The following TRDN variants were observed in gnomAD, a reference collection of about 807,000 sequenced individuals.
The protein encoded by TRDN is triadin in skeletal muscle.
TRDN carries 161 observed loss-of-function variants against 149.7 expected under a neutral mutation model. That is an observed-to-expected ratio of 1.08 (90% CI 0.95 to 1.23). The LOEUF is 1.23. Ranked by LOEUF, TRDN falls within the 50% of genes most tolerant of loss-of-function variation. TRDN has a pLI of 0.00. For missense variants in TRDN, 896 were observed against 823.5 expected, an observed-to-expected ratio of 1.09 and a Z score of -1.08; for synonymous variants, 294 against 250.5, an observed-to-expected ratio of 1.17 and a Z score of -1.64.
intron 13 of TRDN, among the ~76,000 whole-genome samples, chr6:123,390,835 T>G (rs560728938): frequency 1.3e-5 from 2 of 152,256 alleles, no homozygotes; most frequent in African/African-American, 4.8e-5. Flanking sequence ...AAGACTGGAA[T>G]GGCTAACATT....
In TRDN at chr6:123,503,819, C is replaced by T. The variant is rs754258360; in HGVS notation, c.693G>A (p.Lys231=). 1 of 1,609,620 alleles carries T rather than the reference C, an allele frequency of 6.2e-7. No homozygotes were observed. The highest frequency in any genetic ancestry group is 2.2e-5 in the East Asian group (1 of 44,728). ...EVKGGKQEKV[K]QTAAKVKEVQ... is the part of the protein sequence containing the mutation. ...CTTCTTTTACTTTTGCAGCTGTTTG[C>T]TTCACTTTCTCCTGTTTTCCACCTT... The change falls in exon 8 of 41, where the codon AAG becomes AAA. Residue 231 remains lysine (K), a synonymous_variant. Transcript: ENST00000334268.
Position 123,530,675 on chromosome 6 carries a change from A to G in TRDN, c.425-110T>C, listed in dbSNP as rs974600262. The G allele has an allele frequency of 2.6e-5, 16 of 622,070 alleles. No individual in the cohort carries two copies. The African/African-American group carries it at 3.1e-4, about 12-fold the overall frequency. 38.5% of individuals were successfully genotyped at this position (622,070 alleles called of 1,614,324 possible). ...TACCACAAAGTTTAAATTATTATAC[A>G]GTTACTAACAAGTTTATTGGAGTCT... On this transcript the variant is annotated intron_variant, in intron 4 of 40. Coordinates refer to ENST00000334268, the MANE Select transcript of TRDN (RefSeq NM_006073.4).
chr6:123,350,830 A>G (rs1780435714), intron 21 of TRDN: 1 of 983,950 alleles, frequency 1.0e-6, no homozygotes, highest in African/African-American at 1.7e-5. Context: ...ACAATCCAAG[A>G]GCCTAAGCTT....
chr6:123,227,751 TTTTG>T (rs376530623), intron 38 of TRDN, among the ~76,000 whole-genome samples: 13 of 117,110 alleles, frequency 1.1e-4, no homozygotes, highest in African/African-American at 3.9e-4. Context: ...GTTTGTTTGT[TTTTG>T]TTTGTTTTTT....
At chr6:123,302,208 G>T (rs1179063605) in intron 24 of TRDN, among the ~76,000 whole-genome samples, 2 of 151,862 alleles carry the variant, frequency 1.3e-5, no homozygotes, top group Non-Finnish European at 2.9e-5. Context: ...AGTGATATGA[G>T]CCAAAGAGAC....
chr6:123,459,093 T>C (rs1776302720), intron 10 of TRDN, among the ~76,000 whole-genome samples: 1 of 152,240 alleles, frequency 6.6e-6, no homozygotes, highest in Admixed American at 6.5e-5. Context: ...GGCTAACTTA[T>C]GACTTCAATA....
intron 1 of TRDN, among the ~76,000 whole-genome samples, chr6:123,619,189 A>T (rs1048168692): frequency 6.6e-6 from 1 of 152,194 alleles, no homozygotes; most frequent in Non-Finnish European, 1.5e-5. Flanking sequence ...ATAATAAAAG[A>T]TTCCAAAGTT....
intron 20 of TRDN, among the ~76,000 whole-genome samples, chr6:123,364,830 T>C (rs569126013): frequency 2.6e-4 from 40 of 152,302 alleles, no homozygotes; most frequent in African/African-American, 9.4e-4. Flanking sequence ...ACTCTGTATC[T>C]ATGTCTATGT....
At position 123,503,273 on chromosome 6, in the gene TRDN, A is replaced by G. The variant is rs1378386050; in HGVS notation, c.793+446T>C. 9.1e-6 allele frequency: 9 copies of G among 985,218 alleles called. 1 individual carries two copies. Among genetic ancestry groups the G allele is most frequent in the African/African-American group, 1.7e-5 (1 of 57,234 alleles). 61.0% of individuals were successfully genotyped at this position (985,218 alleles called of 1,614,324 possible). A position where few individuals can be genotyped will look rare whatever the true frequency, so the allele number is the denominator to read the frequency against. ...GCTCTTGCCAATGCAACAGTAATGTATGGATAGTTTTTATGATATTTACTC... is the reference window on the plus strand; with the variant it reads ...GCTCTTGCCAATGCAACAGTAATGTGTGGATAGTTTTTATGATATTTACTC... On this transcript the variant is annotated intron_variant, in intron 8 of 40. Coordinates refer to ENST00000334268, the MANE Select transcript of TRDN (RefSeq NM_006073.4).
chr6:123,559,843 C>T (rs537664725), intron 2 of TRDN, among the ~76,000 whole-genome samples: 1 of 152,140 alleles, frequency 6.6e-6, no homozygotes, highest in Admixed American at 6.5e-5. Flanking sequence ...CTCAATACCT[C>T]CCTCCACAAT....
At chr6:123,362,207 C>T (rs928821540) in intron 20 of TRDN, among the ~76,000 whole-genome samples, 2 of 152,120 alleles carry the variant, frequency 1.3e-5, no homozygotes, top group African/African-American at 4.8e-5. Context: ...TTAGTGCTAA[C>T]ATAATCTCTC....
intron 10 of TRDN, among the ~76,000 whole-genome samples, chr6:123,463,350 A>AAAAAAAT (rs1776582568): frequency 8.8e-6 from 1 of 114,178 alleles, no homozygotes; most frequent in Non-Finnish European, 2.1e-5. Flanking sequence ...GAAAAAAAAA[A>AAAAAAAT]AATAAATAAT....
chr6:123,254,509 T>C (rs1049340710), intron 37 of TRDN, among the ~76,000 whole-genome samples: 3 of 152,158 alleles, frequency 2.0e-5, no homozygotes, highest in East Asian at 1.9e-4. Flanking sequence ...TTTAAAGTAA[T>C]TGAATTTCCC....
chr6:123,567,469 G>C (rs556622028), intron 2 of TRDN, among the ~76,000 whole-genome samples: 1 of 152,264 alleles, frequency 6.6e-6, no homozygotes, highest in Admixed American at 6.5e-5. Flanking sequence ...AAGAAAAGAA[G>C]TTCATTTGGC....
chr6:123,440,164 C>T (rs1295941364), intron 10 of TRDN, among the ~76,000 whole-genome samples: 2 of 152,126 alleles, frequency 1.3e-5, no homozygotes, highest in African/African-American at 4.8e-5. Flanking sequence ...AAAGACAACA[C>T]TTTCTTTCAA....
chr6:123,544,215 A>G (rs974705678), intron 4 of TRDN, among the ~76,000 whole-genome samples: 1 of 150,862 alleles, frequency 6.6e-6, no homozygotes, highest in Non-Finnish European at 1.5e-5. Flanking sequence ...TAAAGATACA[A>G]GTATTGAGAA....
intron 9 of TRDN, among the ~76,000 whole-genome samples, chr6:123,493,593 C>A (rs1010311947): frequency 6.6e-6 from 1 of 152,062 alleles, no homozygotes; most frequent in Non-Finnish European, 1.5e-5. Context: ...AACTGAATCC[C>A]AGAGGGAAAA....
At chr6:123,421,025 C>T (rs915624929) in intron 12 of TRDN, among the ~76,000 whole-genome samples, 1 of 152,158 alleles carries the variant, frequency 6.6e-6, no homozygotes, top group Non-Finnish European at 1.5e-5. Context: ...TTTCTAACAA[C>T]ATTCTTCTTC....
chr6:123,350,587 ATG>A (rs1780425238), intron 21 of TRDN: 6 of 715,308 alleles, frequency 8.4e-6, no homozygotes, highest in Middle Eastern at 7.4e-4. Flanking sequence ...AATTTATAGA[ATG>A]TCATTATTAC....
Sources: gnomAD v4.1 joint callset for allele counts (sites outside exome capture counted in the v4.1 genomes callset) on GRCh38, gnomAD v4.1.1 for gene constraint, MANE v1.5 for transcripts, NCBI Gene and HGNC (gene_info 2026-07-23, HGNC 2026-07-21) for gene names.